The following BUD23 variants were observed in gnomAD, a reference collection of about 807,000 sequenced individuals.
BUD23 encodes 18S rRNA (guanine-N(7))-methyltransferase.
BUD23 carries 34 observed loss-of-function variants against 47.0 expected under a neutral mutation model. That is an observed-to-expected ratio of 0.72 (90% CI 0.55 to 0.96). BUD23 has a LOEUF of 0.96. BUD23 is among the 40% of genes least tolerant of loss of function. The pLI, the probability that BUD23 is intolerant of heterozygous loss-of-function variation, is 0.00. For synonymous variants in BUD23, 124 were observed against 132.0 expected (o/e 0.94, Z 0.41); for missense variants, 343 against 361.2 (o/e 0.95, Z 0.41).
At position 73,687,080 on chromosome 7, in the gene BUD23, T is replaced by C; in HGVS notation, c.347T>C (p.Phe116Ser). 1 of 1,613,744 alleles carries C rather than the reference T, an allele frequency of 6.2e-7. No individual in the cohort carries two copies. The highest frequency in any genetic ancestry group is 1.1e-5 in the South Asian group (1 of 91,042). Reference protein sequence around the residue: ...GQGIPFKPGTFDGCISISAVQ... With the variant: ...GQGIPFKPGTSDGCISISAVQ... ...GGCATCCCATTCAAGCCAGGCACAT[T>C]TGATGGTTGCATCAGGTGAGGGTCT... The change falls in exon 5 of 12, where the codon TTT (phenylalanine) becomes TCT (serine). Residue 116 changes from phenylalanine to serine, a missense_variant. Transcript: ENST00000265758.
Position 73,686,620 on chromosome 7 carries a change from G to A in BUD23, c.87-16G>A. 6.2e-7 allele frequency: 1 copy of A among 1,613,562 alleles called. No homozygotes were observed. The stretch of plus-strand genomic sequence containing the variant: ...GAACTCCTTTACCATGTCCACTTGT[G>A]TTTCTGCCTTACCAGCTCACGGATG... On this transcript the variant is annotated splice_polypyrimidine_tract_variant and intron_variant, in intron 2 of 11. Coordinates refer to ENST00000265758, the MANE Select transcript of BUD23 (RefSeq NM_017528.5).
At chr7:73,690,690 G>C (rs1798157555) in intron 5 of BUD23, among the ~76,000 whole-genome samples, 2 of 152,126 alleles carry the variant, frequency 1.3e-5, no homozygotes, top group Admixed American at 6.6e-5. Flanking sequence ...GTCCAGGCTG[G>C]TTTGAAGTCC....
chr7:73,692,025 GTGAACT>G lies in BUD23; in HGVS notation c.460-570_460-565del, dbSNP rs201004660. 7.6e-4 allele frequency among the ~76,000 whole-genome samples: 116 copies of G among 152,158 alleles called. 2 individuals are homozygous for G. The highest frequency in any genetic ancestry group is 2.6e-3 in the African/African-American group (108 of 41,524). On this transcript the variant is annotated intron_variant, in intron 6 of 11. Transcript: ENST00000265758. ...GATCTGGCCACTGGTCTTTCTTGGG[GTGAACT>G]GCCCCTGCTGATGTGGCCGCTGGTC...
chr7:73,686,131 T>G (rs567866369), intron 2 of BUD23, among the ~76,000 whole-genome samples: 9 of 152,152 alleles, frequency 5.9e-5, no homozygotes, highest in Non-Finnish European at 1.2e-4. Flanking sequence ...CCAGTTTCTT[T>G]TACCTGTTTC....
At position 73,697,996 on chromosome 7, in the gene BUD23, T is replaced by G; in HGVS notation, c.*110T>G. 1 of 1,362,296 alleles carries G rather than the reference T, an allele frequency of 7.3e-7. No homozygotes were observed. The highest frequency in any genetic ancestry group is 9.8e-7 in the Non-Finnish European group (1 of 1,023,196). The allele number at this position is 1,362,296 out of a possible 1,614,324, so 84.4% of individuals were successfully genotyped here. On this transcript the variant is annotated 3_prime_UTR_variant, in exon 12 of 12. Coordinates refer to ENST00000265758, the MANE Select transcript of BUD23 (RefSeq NM_017528.5). ...AAAGTTATAAAAATGTTTTCTGCAG[T>G]AAAAAAAAAGTTCTCTGGGCCGGGC...
chr7:73,692,566 G>A (rs782101535), intron 6 of BUD23, 30 bp from the exon 7 acceptor site: 2 of 1,611,368 alleles, frequency 1.2e-6, no homozygotes, highest in Non-Finnish European at 8.5e-7. Flanking sequence ...GCAGTCATTT[G>A]TAAGACAGTG....
chr7:73,692,203 T>A (rs1217573127), intron 6 of BUD23, among the ~76,000 whole-genome samples: 1 of 152,216 alleles, frequency 6.6e-6, no homozygotes, highest in Non-Finnish European at 1.5e-5. Context: ...AGGTCCTTTG[T>A]GTTTCCTCTT....
intron 2 of BUD23, among the ~76,000 whole-genome samples, chr7:73,684,530 C>T (rs1216704520): frequency 1.4e-5 from 2 of 147,860 alleles, no homozygotes; most frequent in Non-Finnish European, 3.0e-5. Context: ...AAGCCCAGGG[C>T]TCAAGCGATC....
chr7:73,693,351 C>G lies in BUD23; in HGVS notation c.533C>G (p.Ala178Gly). 6.2e-7 allele frequency: 1 copy of G among 1,614,120 alleles called. No individual in the cohort carries two copies. The highest frequency in any genetic ancestry group is 8.5e-7 in the Non-Finnish European group (1 of 1,179,996). Residue 178 changes from alanine to glycine, a missense_variant, in exon 8 of 12, where the codon GCC (alanine) becomes GGC (glycine). Transcript: ENST00000265758. ...CAGTTGGAGCTGATCACAACCCAGG[C>G]CACAAAGGCAGGCTTCTCCGGTGGC... Reference protein sequence around the residue: ...SEQLELITTQATKAGFSGGMV... With the variant: ...SEQLELITTQGTKAGFSGGMV...
chr7:73,691,917 C>A (rs945618800), intron 6 of BUD23, among the ~76,000 whole-genome samples: 3 of 152,150 alleles, frequency 2.0e-5, no homozygotes, highest in Non-Finnish European at 4.4e-5. Flanking sequence ...AAAATGAGTC[C>A]GTTTTGAAGG....
intron 2 of BUD23, among the ~76,000 whole-genome samples, chr7:73,685,894 A>G (rs1269742444): frequency 2.6e-5 from 4 of 151,384 alleles, no homozygotes; most frequent in Non-Finnish European, 5.9e-5. Flanking sequence ...AGATAGAGAA[A>G]TCCTGGCTAA....
intron 10 of BUD23, 60 bp downstream of exon 10, chr7:73,694,110 T>C: frequency 6.4e-7 from 1 of 1,559,452 alleles, no homozygotes; most frequent in Non-Finnish European, 8.7e-7. Context: ...TTGTTAGACA[T>C]GGACTTTCTC....
intron 2 of BUD23, among the ~76,000 whole-genome samples, chr7:73,685,995 C>A (rs1272344243): frequency 4.0e-5 from 6 of 151,618 alleles, no homozygotes; most frequent in African/African-American, 1.5e-4. Flanking sequence ...GCTGGGGAAG[C>A]TGAGGCAGGA....
At chr7:73,686,378 C>T (rs1797967227) in intron 2 of BUD23, among the ~76,000 whole-genome samples, 1 of 152,194 alleles carries the variant, frequency 6.6e-6, no homozygotes, top group Non-Finnish European at 1.5e-5. Context: ...TACACATCTG[C>T]TTGGCAGCTG....
At position 73,687,930 on chromosome 7, in the gene BUD23, C is replaced by T. The variant is rs1433381706; in HGVS notation, c.362+835C>T. ...TTTTTTTTTGAGATGGAGGCTCTCT[C>T]TGTTGCCCAGGCTGGAGTGCAGTGG... On this transcript the variant is annotated intron_variant, in intron 5 of 11. Transcript: ENST00000265758. Among the ~76,000 whole-genome samples, 8 of 150,518 alleles carry T rather than the reference C, an allele frequency of 5.3e-5. 1 individual carries two copies. In the South Asian group the frequency reaches 8.4e-4, roughly 16 times the overall value.
intron 7 of BUD23, 69 bp downstream of exon 7, chr7:73,692,715 C>G (rs747813828): frequency 6.8e-7 from 1 of 1,475,078 alleles, no homozygotes; most frequent in Admixed American, 1.8e-5. Flanking sequence ...CCTGGGGAAG[C>G]GACAAAGAAT....
At chr7:73,686,936 C>G (rs782474060) in intron 4 of BUD23, 36 bp downstream of exon 4, 1 of 1,613,968 alleles carries the variant, frequency 6.2e-7, no homozygotes, top group Admixed American at 1.7e-5. Flanking sequence ...GGTGGATTAC[C>G]CTGATGGGTG....
At chr7:73,687,564 C>T (rs557787630) in intron 5 of BUD23, among the ~76,000 whole-genome samples, 3 of 152,236 alleles carry the variant, frequency 2.0e-5, no homozygotes, top group Admixed American at 2.0e-4. Flanking sequence ...TGTGAGCCAC[C>T]GTGCACAGCC....
At chr7:73,693,449 C>T in intron 8 of BUD23, 35 bp downstream of exon 8, 3 of 1,612,264 alleles carry the variant, frequency 1.9e-6, no homozygotes, top group Non-Finnish European at 1.7e-6. Context: ...GCCTGGGCTG[C>T]AGGAGGGAGG....
Sources: allele counts gnomAD v4.1 joint callset (sites outside exome capture counted in the v4.1 genomes callset), GRCh38; gene constraint gnomAD v4.1.1; transcripts MANE v1.5; gene names NCBI Gene and HGNC (gene_info 2026-07-23, HGNC 2026-07-21).